MAX: variants seen among roughly 807,000 people sequenced by gnomAD.
MAX encodes MYC associated transcriptional regulator X, also known as protein max.
Under a neutral mutation model 22.3 loss-of-function variants are expected in MAX, and 3 were observed. That is an observed-to-expected ratio of 0.13 (90% confidence interval 0.06 to 0.35). The LOEUF (loss-of-function observed/expected upper bound fraction) is 0.35, where lower values mean the gene tolerates loss of function less well. Among genes scored for constraint, MAX ranks in the 10% least tolerant of loss-of-function variants. The pLI is 1.00. For missense variants in MAX, 119 were observed against 209.4 expected, an observed-to-expected ratio of 0.57 and a Z score of 2.66; for synonymous variants, 72 against 77.7, an observed-to-expected ratio of 0.93 and a Z score of 0.39.
At chr14:65,080,723 C>T (rs1445482457) in intron 3 of MAX, among the ~76,000 whole-genome samples, 1 of 152,148 alleles carries the variant, frequency 6.6e-6, no homozygotes, top group African/African-American at 2.4e-5. Flanking sequence ...GCTATTTTTT[C>T]AACTAATAGT....
intron 3 of MAX, among the ~76,000 whole-genome samples, chr14:65,036,629 T>A (rs1821910557): frequency 6.6e-6 from 1 of 152,214 alleles, no homozygotes; most frequent in Non-Finnish European, 1.5e-5. Flanking sequence ...CTTAATTCTC[T>A]GTATGTTTTT....
chr14:65,037,129 G>A (rs1248865771), intron 3 of MAX, among the ~76,000 whole-genome samples: 4 of 150,184 alleles, frequency 2.7e-5, no homozygotes, highest in Admixed American at 6.6e-5. Context: ...TTGAGACGGA[G>A]TCTTGCTGTT....
chr14:65,017,757 A>G (rs111897231), intron 3 of MAX, among the ~76,000 whole-genome samples: 1,573 of 152,170 alleles, frequency 0.01, 25 homozygotes, highest in East Asian at 0.081. Flanking sequence ...GGAGTTTGAG[A>G]CCAGCCTGGC....
chr14:65,045,781 G>A (rs2062463953), intron 3 of MAX, among the ~76,000 whole-genome samples: 1 of 152,130 alleles, frequency 6.6e-6, no homozygotes, highest in Non-Finnish European at 1.5e-5. Flanking sequence ...TTCTGACACT[G>A]AATTAAAGTA....
chr14:65,083,069 G>A (rs959596935), intron 3 of MAX, among the ~76,000 whole-genome samples: 2 of 152,116 alleles, frequency 1.3e-5, no homozygotes, highest in East Asian at 1.9e-4. Flanking sequence ...AGGGACCCAG[G>A]GTGTGGCAGA....
At chr14:65,055,545 C>G (rs2062716140) in intron 3 of MAX, among the ~76,000 whole-genome samples, 1 of 151,450 alleles carries the variant, frequency 6.6e-6, no homozygotes, top group Non-Finnish European at 1.5e-5. Context: ...GAGACAAAGT[C>G]TCACTCTGTC....
intron 3 of MAX, among the ~76,000 whole-genome samples, chr14:65,066,234 G>A (rs927684275): frequency 1.3e-5 from 2 of 152,226 alleles, no homozygotes; most frequent in African/African-American, 2.4e-5. Flanking sequence ...GTGTGATGCC[G>A]TGTGGCTCAG....
rs1035639966 is a variant in MAX at position 65,101,721 on chromosome 14, C to T, written c.37-149G>A. The T allele has an allele frequency of 1.3e-4, 88 of 672,490 alleles. 1 individual carries two copies. In the Middle Eastern group the frequency reaches 2.4e-3, roughly 18 times the overall value. 41.7% of individuals were successfully genotyped at this position (672,490 alleles called of 1,614,324 possible). On this transcript the variant is annotated intron_variant, in intron 1 of 4. Coordinates refer to ENST00000358664, the MANE Select transcript of MAX (RefSeq NM_002382.5). ...CCTTCCTCCCTCCCCACCCCTTGCC[C>T]CCACCCTTCCACCCTCGGCGGGATC... is the stretch of plus-strand genomic sequence containing the variant.
chr14:65,086,233 C>A (rs2063332242), intron 3 of MAX, among the ~76,000 whole-genome samples: 1 of 152,134 alleles, frequency 6.6e-6, no homozygotes, highest in African/African-American at 2.4e-5. Flanking sequence ...ATGTCTTTAT[C>A]AGCAGCATGA....
chr14:65,059,800 A>G (rs1165024457), intron 3 of MAX, among the ~76,000 whole-genome samples: 1 of 150,188 alleles, frequency 6.7e-6, no homozygotes, highest in Non-Finnish European at 1.5e-5. Flanking sequence ...ATATGATCTG[A>G]CAGCCTTACT....
chr14:65,101,240 G>C (rs1482259688), intron 2 of MAX, among the ~76,000 whole-genome samples: 1 of 152,174 alleles, frequency 6.6e-6, no homozygotes, highest in Non-Finnish European at 1.5e-5. Context: ...CCAGAATGCT[G>C]CATTTCTCAT....
At chr14:65,096,497 C>T (rs2063679351) in intron 2 of MAX, among the ~76,000 whole-genome samples, 1 of 152,160 alleles carries the variant, frequency 6.6e-6, no homozygotes, top group Non-Finnish European at 1.5e-5. Context: ...CATTTCCAAA[C>T]CACAGATCCA....
rs890142919 is a variant in MAX at position 65,088,303 on chromosome 14, T to G, written c.171+5405A>C. 1.3e-5 allele frequency among the ~76,000 whole-genome samples: 2 copies of G among 152,196 alleles called. No individual in the cohort carries two copies. Among genetic ancestry groups the G allele is most frequent in the East Asian group, 1.9e-4 (1 of 5,198 alleles). On this transcript the variant is annotated intron_variant, in intron 3 of 4. Coordinates refer to ENST00000358664, the MANE Select transcript of MAX (RefSeq NM_002382.5). This position sits in a 1 kb window ranked among gnomAD's most constrained non-coding sequence, Gnocchi z 5.2. ...TACCAGTCCTTACCTAAATGGGCAA[T>G]GAAAAGCCCTTGGAGGTTTTCAGCA... is the stretch of plus-strand genomic sequence containing the variant.
At chr14:65,015,858 C>T (rs2061763966) in intron 3 of MAX, 3 of 881,198 alleles carry the variant, frequency 3.4e-6, no homozygotes, top group Non-Finnish European at 5.2e-6. Context: ...TGACCTCCGG[C>T]AACTTCCTGA....
chr14:65,070,571 A>G (rs1477982659), downstream of MAX, among the ~76,000 whole-genome samples: 1 of 152,162 alleles, frequency 6.6e-6, no homozygotes, highest in Non-Finnish European at 1.5e-5. The surrounding 1 kb of genome is among the most constrained non-coding windows in gnomAD (Gnocchi z 4.4). Flanking sequence ...TGAATTGTCC[A>G]AGGCCACCTG....
Position 65,047,978 on chromosome 14 carries a change from ATTTTTTTTT to A in MAX, c.172-41703_172-41695del, listed in dbSNP as rs34879850. On this transcript the variant is annotated intron_variant, in intron 3 of 3. Transcript: ENST00000341653. The surrounding 1 kb of genome is among the most constrained non-coding windows in gnomAD (Gnocchi z 5.2). ...AGACAGAAGGAGGGAGACTTTTTAG[ATTTTTTTTT>A]TTTTTTTTTTTTTTTTTTGAGACAG... is the stretch of plus-strand genomic sequence containing the variant. Among the ~76,000 whole-genome samples, 2 of 64,128 alleles carry A rather than the reference ATTTTTTTTT, an allele frequency of 3.1e-5. No individual in the cohort carries two copies. Among genetic ancestry groups the A allele is most frequent in the South Asian group, 6.3e-4 (1 of 1,596 alleles). The allele number at this position is 64,128 out of a possible 152,430, so 42.1% of individuals were successfully genotyped here.
chr14:65,029,730 A>C lies in MAX; in HGVS notation c.172-23446T>G, dbSNP rs142630423. On this transcript the variant is annotated intron_variant, in intron 3 of 3. Transcript: ENST00000341653. The surrounding 1 kb of genome is among the most constrained non-coding windows in gnomAD (Gnocchi z 4.7). The stretch of plus-strand genomic sequence containing the variant: ...TAGATGGCCTGGTGGGCAGGGGAGC[A>C]GTGGAGCTGGAGGGACAGGCTGGGA... 2.4e-4 allele frequency among the ~76,000 whole-genome samples: 36 copies of C among 149,532 alleles called. No individual in the cohort carries two copies. In the East Asian group the frequency reaches 6.9e-3, roughly 29 times the overall value.
rs556849979 is a variant in MAX, at chr14:65,061,306, C to A, written c.171+32402G>T. On this transcript the variant is annotated intron_variant, in intron 3 of 3. Coordinates refer to the MAX transcript ENST00000341653. Reference sequence around the variant, plus strand: ...ATGAGACATCGGCAGAGCCTGCAACCGACTAGAGGACCTGGGTCCCGGCAG... The same window carrying A: ...ATGAGACATCGGCAGAGCCTGCAACAGACTAGAGGACCTGGGTCCCGGCAG... 3.1e-6 allele frequency: 5 copies of A among 1,613,764 alleles called. No homozygotes were observed. The East Asian group carries it at 8.9e-5, about 29-fold the overall frequency.
chr14:65,021,184 T>C (rs2061880158), intron 3 of MAX, among the ~76,000 whole-genome samples: 1 of 152,242 alleles, frequency 6.6e-6, no homozygotes, highest in African/African-American at 2.4e-5. Context: ...TCTTTGTTAC[T>C]GAAAGCAGCT....
Sources: allele counts gnomAD v4.1 joint callset (sites outside exome capture counted in the v4.1 genomes callset), GRCh38; gene constraint gnomAD v4.1.1; non-coding constraint Gnocchi (gnomAD v3.1); transcripts MANE v1.5; gene names NCBI Gene and HGNC (gene_info 2026-07-23, HGNC 2026-07-21).